The following DLGAP4 variants were observed in gnomAD, a reference collection of about 807,000 sequenced individuals.
DLGAP4 encodes DLG associated protein 4.
A neutral mutation model predicts 86.9 loss-of-function variants in DLGAP4; 18 were observed. The ratio of observed to expected loss-of-function variants is 0.21; its 90% confidence interval spans 0.14 to 0.31. DLGAP4 has a LOEUF of 0.31. DLGAP4 is among the 10% of genes least tolerant of loss of function. The pLI is 1.00. For synonymous variants in DLGAP4, 548 were observed against 574.3 expected, an observed-to-expected ratio of 0.95 and a Z score of 0.65; for missense variants, 1,085 against 1,362.6, an observed-to-expected ratio of 0.80 and a Z score of 3.21.
At chr20:36,403,761 T>A (rs2032232540) in intron 2 of DLGAP4, among the ~76,000 whole-genome samples, 1 of 152,258 alleles carries the variant, frequency 6.6e-6, no homozygotes, top group Non-Finnish European at 1.5e-5. Flanking sequence ...CTAGGTGGTC[T>A]TGGCTCAGGG....
intron 7 of DLGAP4, among the ~76,000 whole-genome samples, chr20:36,488,626 A>T (rs1047603005): frequency 6.6e-6 from 1 of 151,122 alleles, no homozygotes; most frequent in Non-Finnish European, 1.5e-5. Context: ...CCCAGGCTAG[A>T]GTGTGCAGTG....
At chr20:36,366,147 T>A (rs1037334403) in intron 1 of DLGAP4, among the ~76,000 whole-genome samples, 3 of 151,850 alleles carry the variant, frequency 2.0e-5, no homozygotes, top group South Asian at 2.1e-4. Context: ...TGAGATGGAG[T>A]CTTGCTCTGT....
chr20:36,511,544 A>T (rs1360073344), intron 10 of DLGAP4, among the ~76,000 whole-genome samples: 1 of 151,890 alleles, frequency 6.6e-6, no homozygotes, highest in African/African-American at 2.4e-5. Context: ...AGTACTTTCT[A>T]GTAGTTTTTG....
At chr20:36,443,232 G>A (rs1469800220) in intron 6 of DLGAP4, among the ~76,000 whole-genome samples, 1 of 152,180 alleles carries the variant, frequency 6.6e-6, no homozygotes, top group African/African-American at 2.4e-5. Context: ...GGGTGTTGGA[G>A]TGTGTGTGGA....
chr20:36,375,162 C>G (rs539552878), intron 2 of DLGAP4, among the ~76,000 whole-genome samples: 1 of 152,320 alleles, frequency 6.6e-6, no homozygotes, highest in East Asian at 1.9e-4. Flanking sequence ...AGCCTCTCCC[C>G]CGCCTGTCCC....
At chr20:36,423,752 A>C (rs2032896462) in intron 2 of DLGAP4, among the ~76,000 whole-genome samples, 1 of 152,110 alleles carries the variant, frequency 6.6e-6, no homozygotes, top group South Asian at 2.1e-4. Flanking sequence ...ATCTGAGGTC[A>C]GGAGTTCGAG....
intron 2 of DLGAP4, among the ~76,000 whole-genome samples, chr20:36,409,959 G>A (rs554633516): frequency 5.1e-4 from 76 of 150,144 alleles, no homozygotes; most frequent in African/African-American, 1.5e-3. Context: ...GCATGAACCC[G>A]GGAGGCGGAG....
chr20:36,318,394 C>G (rs1041064963), intron 1 of DLGAP4, among the ~76,000 whole-genome samples: 1 of 152,130 alleles, frequency 6.6e-6, no homozygotes, highest in African/African-American at 2.4e-5. Flanking sequence ...CTGGTGGACC[C>G]AGGATTGTCT....
intron 7 of DLGAP4, among the ~76,000 whole-genome samples, chr20:36,468,960 T>G (rs2034537839): frequency 6.6e-6 from 1 of 152,188 alleles, no homozygotes; most frequent in African/African-American, 2.4e-5. Flanking sequence ...TTTCAGCACG[T>G]TGGTTCTGGA....
chr20:36,317,501 C>G (rs1407358143), intron 1 of DLGAP4, among the ~76,000 whole-genome samples: 2 of 139,234 alleles, frequency 1.4e-5, no homozygotes, highest in Non-Finnish European at 3.1e-5. Context: ...TTGCCCAGGC[C>G]GGAGTACAGT....
At chr20:36,309,169 A>G (rs1472784898) in intron 1 of DLGAP4, among the ~76,000 whole-genome samples, 4 of 152,166 alleles carry the variant, frequency 2.6e-5, no homozygotes, top group African/African-American at 9.7e-5. Context: ...AAGCTTAAGC[A>G]TCGCTTCCAA....
chr20:36,320,723 C>G (rs1264610121), intron 1 of DLGAP4, among the ~76,000 whole-genome samples: 1 of 152,126 alleles, frequency 6.6e-6, no homozygotes, highest in Admixed American at 6.5e-5. Flanking sequence ...CCTGGGACCT[C>G]TGGGGGCTGC....
chr20:36,347,733 G>A (rs980970191), intron 1 of DLGAP4, among the ~76,000 whole-genome samples: 28 of 150,930 alleles, frequency 1.9e-4, no homozygotes, highest in Middle Eastern at 3.4e-3. Flanking sequence ...GGCTGAGGCA[G>A]GAGGATCACT....
At chr20:36,454,607 C>T (rs1426434622) in intron 7 of DLGAP4, among the ~76,000 whole-genome samples, 3 of 152,188 alleles carry the variant, frequency 2.0e-5, no homozygotes, top group African/African-American at 4.8e-5. Context: ...TGCCCCCTTA[C>T]TCCTCAGCAT....
intron 3 of DLGAP4, among the ~76,000 whole-genome samples, chr20:36,435,014 C>T (rs1167781927): frequency 6.6e-6 from 1 of 151,434 alleles, no homozygotes; most frequent in Non-Finnish European, 1.5e-5. Flanking sequence ...TAGTTGCTGG[C>T]GCGAATGTCC....
In DLGAP4 at chr20:36,461,638, C is replaced by A. The variant is rs1273210952; in HGVS notation, c.1648+14701C>A. 78 of 926,870 alleles carry A rather than the reference C, an allele frequency of 8.4e-5. No individual in the cohort carries two copies. The African/African-American group carries it at 1.4e-3, about 16-fold the overall frequency. The allele number at this position is 926,870 out of a possible 1,614,324, so 57.4% of individuals were successfully genotyped here. On this transcript the variant is annotated intron_variant, in intron 7 of 12. Transcript: ENST00000339266. ...CAGCGCCGCCCGGAGCAGCCGCGGC[C>A]CCGCGAGGAGACGGGGGCCGCCCCG...
At chr20:36,484,555 G>A (rs1204646511) in intron 7 of DLGAP4, among the ~76,000 whole-genome samples, 2 of 152,258 alleles carry the variant, frequency 1.3e-5, no homozygotes, top group East Asian at 3.8e-4. Context: ...CAGCTCTCCT[G>A]CCACCTGTGT....
intron 1 of DLGAP4, among the ~76,000 whole-genome samples, chr20:36,348,182 C>G (rs143821311): frequency 1.3e-5 from 2 of 152,302 alleles, no homozygotes; most frequent in East Asian, 1.9e-4. Flanking sequence ...TTCTAGATGG[C>G]CAAAGGCCCA....
At chr20:36,331,101 G>A (rs2065263337) in intron 1 of DLGAP4, among the ~76,000 whole-genome samples, 1 of 152,206 alleles carries the variant, frequency 6.6e-6, no homozygotes, top group Non-Finnish European at 1.5e-5. Flanking sequence ...GTGGGGGGAG[G>A]CCACCCCATT....
Sources: allele counts gnomAD v4.1 joint callset (sites outside exome capture counted in the v4.1 genomes callset), GRCh38; gene constraint gnomAD v4.1.1; transcripts MANE v1.5; gene names NCBI Gene and HGNC (gene_info 2026-07-23, HGNC 2026-07-21).